Variants in CHST12 observed in about 807,000 individuals in gnomAD.
The protein encoded by CHST12 is carbohydrate sulfotransferase 12, also known as carbohydrate (chondroitin 4) sulfotransferase 12.
In CHST12, 23 loss-of-function variants were observed where a neutral mutation model predicts 27.9. The ratio of observed to expected loss-of-function variants is 0.82; its 90% CI spans 0.59 to 1.17. The LOEUF (loss-of-function observed/expected upper bound fraction) is 1.17, where lower values mean the gene tolerates loss of function less well. CHST12 is among the 50% of genes most tolerant of loss of function. The pLI is 0.00. For missense variants in CHST12, 682 were observed against 603.0 expected (o/e 1.13, Z -1.37); for synonymous variants, 322 against 273.0 (o/e 1.18, Z -1.77).
At chr7:2,428,515 C>A (rs1475097888) in intron 1 of CHST12, among the ~76,000 whole-genome samples, 2 of 152,132 alleles carry the variant, frequency 1.3e-5, no homozygotes, top group Non-Finnish European at 2.9e-5. Flanking sequence ...GGGTGACCGC[C>A]TTCTGGTCCT....
chr7:2,412,627 C>T (rs1463817545), intron 1 of CHST12, among the ~76,000 whole-genome samples: 3 of 152,164 alleles, frequency 2.0e-5, no homozygotes, highest in Non-Finnish European at 4.4e-5. Flanking sequence ...TCTAGTGAAA[C>T]CTACCAATTC....
chr7:2,436,039 C>T lies in CHST12; in HGVS notation c.*2155C>T, dbSNP rs1406054687. 6.6e-6 allele frequency: 1 copy of T among 152,298 alleles called. No individual in the cohort carries two copies. The highest frequency in any genetic ancestry group is 2.4e-5 in the African/African-American group (1 of 41,440). 9.4% of individuals were successfully genotyped at this position (152,298 alleles called of 1,614,324 possible). On this transcript the variant is annotated 3_prime_UTR_variant, in exon 2 of 2. Coordinates refer to ENST00000618655, the MANE Select transcript of CHST12 (RefSeq NM_018641.5). ...GTGTTGCCCAGGCTGCTCTCAAACT[C>T]CTGGGCTCAAGTGACCCTCCTGCAT... is the stretch of plus-strand genomic sequence containing the variant.
Position 2,442,023 on chromosome 7 carries a change from A to G in CHST12, c.*8139A>G, listed in dbSNP as rs927492818. The G allele has an allele frequency of 6.6e-6, 1 of 152,084 alleles. No homozygotes were observed. Among genetic ancestry groups the G allele is most frequent in the African/African-American group, 2.4e-5 (1 of 41,388 alleles). 9.4% of individuals were successfully genotyped at this position (152,084 alleles called of 1,614,324 possible). On this transcript the variant is annotated 3_prime_UTR_variant, in exon 2 of 2. Coordinates refer to ENST00000618655, the MANE Select transcript of CHST12 (RefSeq NM_018641.5). ...TTTACAAAACTGAAACTCTGTCCCT[A>G]TTAAACACTAGCTCCCCATTCCCCA...
In CHST12 at chr7:2,444,278, C is replaced by A. The variant is rs1233721349; in HGVS notation, c.*10394C>A. ...CAGCCTGGGCGACAGAGCGAGACTC[C>A]GTCTCAAAAAAAAAAAAAAAAAAAA... On this transcript the variant is annotated 3_prime_UTR_variant, in exon 2 of 2. Coordinates refer to ENST00000618655, the MANE Select transcript of CHST12 (RefSeq NM_018641.5). 1 of 104,878 alleles carries A rather than the reference C, an allele frequency of 9.5e-6. No individual in the cohort carries two copies. The allele number at this position is 104,878 out of a possible 1,614,324, so 6.5% of individuals were successfully genotyped here.
intron 1 of CHST12, among the ~76,000 whole-genome samples, chr7:2,405,111 G>C (rs1429560009): frequency 6.6e-6 from 1 of 152,126 alleles, no homozygotes; most frequent in South Asian, 2.1e-4. Context: ...GTGGGTCGCC[G>C]TGTTCTTGAT....
At chr7:2,408,992 G>A (rs561026788) in intron 1 of CHST12, among the ~76,000 whole-genome samples, 1 of 152,314 alleles carries the variant, frequency 6.6e-6, no homozygotes, top group South Asian at 2.1e-4. Context: ...GGCAGAGTTG[G>A]GGCGGGATTA....
intron 1 of CHST12, among the ~76,000 whole-genome samples, chr7:2,418,367 TAC>T (rs1484684592): frequency 3.3e-5 from 5 of 152,240 alleles, no homozygotes; most frequent in Non-Finnish European, 5.9e-5. Context: ...CCTCCACCGC[TAC>T]AGTTTCCTGG....
In CHST12 at chr7:2,439,416, G is replaced by A. The variant is rs1054087418; in HGVS notation, c.*5532G>A. 1.5e-4 allele frequency: 23 copies of A among 151,328 alleles called. No homozygotes were observed. The highest frequency in any genetic ancestry group is 5.3e-4 in the African/African-American group (22 of 41,250). 9.4% of individuals were successfully genotyped at this position (151,328 alleles called of 1,614,324 possible). A position where few individuals can be genotyped will look rare whatever the true frequency, so the allele number is the denominator to read the frequency against. ...ATTTTTTCCCCTTTGGAAATAATTT[G>A]TTCTTTTTTTTTTTTGACAGAGTTT... On this transcript the variant is annotated 3_prime_UTR_variant, in exon 2 of 2. Coordinates refer to ENST00000618655, the MANE Select transcript of CHST12 (RefSeq NM_018641.5).
chr7:2,433,473 C>T lies in CHST12; in HGVS notation c.834C>T (p.Tyr278=), dbSNP rs764247084. ...TCGCCGTGCCCATGCTGCGGCTGTA[C>T]GCCAACCACACCAGCCTGCCCGCCT... ...RKFAVPMLRL[Y]ANHTSLPASA... is the part of the protein sequence containing the mutation. Residue 278 remains tyrosine, a synonymous_variant, in exon 2 of 2, where the codon TAC becomes TAT. Coordinates refer to ENST00000618655, the MANE Select transcript of CHST12 (RefSeq NM_018641.5). This position sits in a 1 kb window ranked among gnomAD's most constrained non-coding sequence, Gnocchi z 6.1. 8.7e-6 allele frequency: 14 copies of T among 1,610,992 alleles called. No individual in the cohort carries two copies. Among genetic ancestry groups the T allele is most frequent in the Admixed American group, 6.7e-5 (4 of 60,004 alleles).
chr7:2,405,453 G>C (rs1781498059), intron 1 of CHST12, among the ~76,000 whole-genome samples: 1 of 152,120 alleles, frequency 6.6e-6, no homozygotes. Flanking sequence ...GGAAAGATGG[G>C]TTTCTGATTG....
chr7:2,421,058 G>GTGTTAATT (rs1187273520), intron 1 of CHST12, among the ~76,000 whole-genome samples: 1 of 150,582 alleles, frequency 6.6e-6, no homozygotes, highest in African/African-American at 2.4e-5. Flanking sequence ...TGATAATTCT[G>GTGTTAATT]TGTTAATTTT....
chr7:2,432,980 G>A lies in CHST12; in HGVS notation c.341G>A (p.Ser114Asn), dbSNP rs201387415. 1.2e-5 allele frequency: 19 copies of A among 1,610,166 alleles called. No individual in the cohort carries two copies. In the African/African-American group the frequency reaches 2.4e-4, roughly 20 times the overall value. The change falls in exon 2 of 2, where the codon AGC (serine) becomes AAC (asparagine). Residue 114 changes from serine to asparagine, a missense_variant. Coordinates refer to ENST00000618655, the MANE Select transcript of CHST12 (RefSeq NM_018641.5). ...TGGTCCCCGCGCGACGCCCGGCGCA[G>A]CCCAGACCAGGGCCGGCAGCAGGCG... The part of the protein sequence containing the change: ...YDWSPRDARR[S>N]PDQGRQQAER...
intron 1 of CHST12, among the ~76,000 whole-genome samples, chr7:2,418,747 C>G (rs1781879233): frequency 1.3e-5 from 2 of 152,142 alleles, no homozygotes; most frequent in South Asian, 4.1e-4. Context: ...CTGTGTCAGT[C>G]ACTGGGCCAG....
rs2906176 is a variant in CHST12 at position 2,446,298 on chromosome 7, T to C, written c.*12414T>C. 112,165 of 152,734 alleles carry C rather than the reference T, an allele frequency of 0.73. 42,248 individuals carry two copies. Among genetic ancestry groups the C allele is most frequent in the African/African-American group, 0.9 (37,307 of 41,546 alleles). 9.5% of individuals were successfully genotyped at this position (152,734 alleles called of 1,614,324 possible). The stretch of plus-strand genomic sequence containing the variant: ...AAATAGCTGAGCGCCAGCCGCAGTC[T>C]GGGGGACGGGAGCCTCGTGCGACTC... On this transcript the variant is annotated 3_prime_UTR_variant, in exon 2 of 2. Coordinates refer to ENST00000618655, the MANE Select transcript of CHST12 (RefSeq NM_018641.5).
At chr7:2,412,590 G>C (rs1781694121) in intron 1 of CHST12, among the ~76,000 whole-genome samples, 1 of 152,146 alleles carries the variant, frequency 6.6e-6, no homozygotes, top group South Asian at 2.1e-4. Flanking sequence ...ACTTCCCTCA[G>C]CAGTAAAGGA....
chr7:2,440,268 C>T lies in CHST12; in HGVS notation c.*6384C>T, dbSNP rs896931839. 1.9e-5 allele frequency: 3 copies of T among 154,428 alleles called. No homozygotes were observed. Among genetic ancestry groups the T allele is most frequent in the African/African-American group, 4.8e-5 (2 of 41,524 alleles). 9.6% of individuals were successfully genotyped at this position (154,428 alleles called of 1,614,324 possible). A position where few individuals can be genotyped will look rare whatever the true frequency, so the allele number is the denominator to read the frequency against. Reference sequence around the variant, plus strand: ...TTTGACAGTGATAAACGAACACAGCCTATCTGGGTGTTTTTTGCACTTATA... The same window carrying T: ...TTTGACAGTGATAAACGAACACAGCTTATCTGGGTGTTTTTTGCACTTATA... On this transcript the variant is annotated 3_prime_UTR_variant, in exon 2 of 2. Transcript: ENST00000618655.
chr7:2,419,722 A>C (rs1322951241), intron 1 of CHST12, among the ~76,000 whole-genome samples: 1 of 151,864 alleles, frequency 6.6e-6, no homozygotes, highest in Admixed American at 6.6e-5. Context: ...AAAAAAAAAA[A>C]AAATTACCAT....
Position 2,432,810 on chromosome 7 carries a change from C to G in CHST12, c.171C>G (p.Asp57Glu), listed in dbSNP as rs1237316859. The G allele has an allele frequency of 6.2e-7, 1 of 1,613,704 alleles. No individual in the cohort carries two copies. The highest frequency in any genetic ancestry group is 1.3e-5 in the African/African-American group (1 of 74,904). ...TGCCCACGCCCGGGCCGGACAGGGA[C>G]AGGGAGCTCACGGCCGACTCCGATG... ...PPLPTPGPDR[D>E]RELTADSDVD... The change falls in exon 2 of 2, where the codon GAC becomes GAG. Residue 57 changes from aspartate (D) to glutamate (E), a missense_variant. Transcript: ENST00000618655.
Position 2,445,830 on chromosome 7 carries a change from T to G in CHST12, c.*11946T>G, listed in dbSNP as rs529668788. 1 of 152,274 alleles carries G rather than the reference T, an allele frequency of 6.6e-6. No homozygotes were observed. The highest frequency in any genetic ancestry group is 2.1e-4 in the South Asian group (1 of 4,832). 9.4% of individuals were successfully genotyped at this position (152,274 alleles called of 1,614,324 possible). A position where few individuals can be genotyped will look rare whatever the true frequency, so the allele number is the denominator to read the frequency against. ...TGGCCTGGGGCTGGAAACAGGACTT[T>G]GTAGGGAAGGACAGCGCGTGTGAGA... On this transcript the variant is annotated 3_prime_UTR_variant, in exon 2 of 2. Transcript: ENST00000618655.
Sources: allele counts gnomAD v4.1 joint callset (sites outside exome capture counted in the v4.1 genomes callset), GRCh38; gene constraint gnomAD v4.1.1; non-coding constraint Gnocchi (gnomAD v3.1); transcripts MANE v1.5; gene names NCBI Gene and HGNC (gene_info 2026-07-23, HGNC 2026-07-21).